Variants in PRKACB observed in about 807,000 individuals in gnomAD.
PRKACB encodes cAMP-dependent protein kinase catalytic subunit beta.
In PRKACB, 16 loss-of-function variants were observed where a neutral mutation model predicts 51.4. The observed-to-expected ratio is 0.31, with a 90% CI of 0.21 to 0.47. The LOEUF is 0.47. Among genes scored for constraint, PRKACB ranks in the 20% least tolerant of loss-of-function variants. PRKACB has a pLI of 1.00. For missense variants in PRKACB, 309 were observed against 464.5 expected (o/e 0.67, Z 3.08); for synonymous variants, 147 against 154.4 (o/e 0.95, Z 0.35).
chr1:84,094,815 G>T (rs1177380684), intron 1 of PRKACB, among the ~76,000 whole-genome samples: 1 of 151,764 alleles, frequency 6.6e-6, no homozygotes, highest in Admixed American at 6.6e-5. Context: ...TTTACTTCTG[G>T]TGTGATTCAA....
rs576031350 is a variant in PRKACB, at chr1:84,222,854, C to T, written c.1071+8537C>T. Among the ~76,000 whole-genome samples, 3 of 152,218 alleles carry T rather than the reference C, an allele frequency of 2.0e-5. No individual in the cohort carries two copies. In the East Asian group the frequency reaches 5.8e-4, roughly 29 times the overall value. ...ATATATCATCCAATTCTCTCCTGGC[C>T]TGCAGGGTCTCCCCTGAGAAATCCA... On this transcript the variant is annotated intron_variant, in intron 9 of 9. Transcript: ENST00000370685.
At chr1:84,102,496 A>G (rs1460856595) in intron 1 of PRKACB, among the ~76,000 whole-genome samples, 2 of 152,218 alleles carry the variant, frequency 1.3e-5, no homozygotes, top group African/African-American at 4.8e-5. Context: ...GACTTGTCCC[A>G]TAGCAGTCTT....
At chr1:84,082,359 G>A (rs1328417769) in intron 1 of PRKACB, among the ~76,000 whole-genome samples, 1 of 152,062 alleles carries the variant, frequency 6.6e-6, no homozygotes, top group African/African-American at 2.4e-5. Context: ...AAAATCTTAA[G>A]TGAAAAAGAT....
intron 1 of PRKACB, among the ~76,000 whole-genome samples, chr1:84,162,982 G>C (rs779696679): frequency 6.6e-6 from 1 of 151,934 alleles, no homozygotes; most frequent in Admixed American, 6.6e-5. Flanking sequence ...TATGGAATCT[G>C]TATCCCTCAT....
At chr1:84,172,372 A>G (rs1412929543) in intron 1 of PRKACB, among the ~76,000 whole-genome samples, 3 of 151,748 alleles carry the variant, frequency 2.0e-5, no homozygotes, top group Non-Finnish European at 4.4e-5. Flanking sequence ...GAGCATTTCA[A>G]AGATTGCCTG....
At chr1:84,181,954 C>A (rs1439983120) in intron 2 of PRKACB, among the ~76,000 whole-genome samples, 1 of 151,952 alleles carries the variant, frequency 6.6e-6, no homozygotes, top group Non-Finnish European at 1.5e-5. Context: ...AGCTGAGGCT[C>A]TTATTTCCTC....
chr1:84,204,872 G>T, intron 8 of PRKACB: 1 of 983,012 alleles, frequency 1.0e-6, no homozygotes, highest in Non-Finnish European at 1.2e-6. Flanking sequence ...CATTGGCCTC[G>T]ATTTGCCAAT....
chr1:84,185,186 A>G lies in PRKACB; in HGVS notation c.560+4A>G. The G allele has an allele frequency of 1.3e-6, 2 of 1,504,132 alleles. No individual in the cohort carries two copies. The highest frequency in any genetic ancestry group is 8.9e-7 in the Non-Finnish European group (1 of 1,128,044). The allele number at this position is 1,504,132 out of a possible 1,614,324, so 93.2% of individuals were successfully genotyped here. A position where few individuals can be genotyped will look rare whatever the true frequency, so the allele number is the denominator to read the frequency against. On this transcript the variant is annotated splice_donor_region_variant and intron_variant, in intron 5 of 9. Coordinates refer to ENST00000370685, the MANE Select transcript of PRKACB (RefSeq NM_182948.4). ...TAAGAAGAATTGGAAGGTTCAGGTA[A>G]CTAATGGTTTTGCTTTCTTCAAATC...
At chr1:84,166,281 C>T (rs1454800093) in intron 1 of PRKACB, among the ~76,000 whole-genome samples, 3 of 151,606 alleles carry the variant, frequency 2.0e-5, no homozygotes, top group Non-Finnish European at 4.4e-5. Flanking sequence ...GGATATCAAA[C>T]TGAATATACC....
intron 5 of PRKACB, among the ~76,000 whole-genome samples, chr1:84,196,326 A>T (rs978454557): frequency 2.0e-5 from 3 of 152,192 alleles, no homozygotes; most frequent in Non-Finnish European, 4.4e-5. Flanking sequence ...AATTAGAAAG[A>T]CATCAATATA....
intron 9 of PRKACB, among the ~76,000 whole-genome samples, chr1:84,226,003 G>A (rs1292329290): frequency 1.3e-5 from 2 of 152,168 alleles, no homozygotes; most frequent in African/African-American, 4.8e-5. Flanking sequence ...CAGCCATCTT[G>A]AAGCCCTGAC....
intron 1 of PRKACB, among the ~76,000 whole-genome samples, chr1:84,121,065 C>T (rs914807031): frequency 5.3e-5 from 8 of 152,036 alleles, no homozygotes; most frequent in African/African-American, 1.7e-4. Flanking sequence ...GTTATTGTTA[C>T]TATTTTGTGT....
intron 1 of PRKACB, among the ~76,000 whole-genome samples, chr1:84,153,049 C>T (rs115677547): frequency 0.015 from 2,265 of 152,060 alleles, 63 homozygotes; most frequent in African/African-American, 0.05. Context: ...GGCTATTGAT[C>T]GGCGTAATTT....
chr1:84,150,255 G>A (rs779475723), intron 1 of PRKACB, among the ~76,000 whole-genome samples: 2 of 152,102 alleles, frequency 1.3e-5, no homozygotes, highest in Non-Finnish European at 2.9e-5. Flanking sequence ...TCCAGCCTGG[G>A]TGACAGAGTG....
chr1:84,144,619 CA>C, intron 1 of PRKACB, 71 bp downstream of exon 1: 1 of 1,402,564 alleles, frequency 7.1e-7, no homozygotes, highest in South Asian at 1.3e-5. Flanking sequence ...TACAATCAAA[CA>C]TAAAGAACCC....
At chr1:84,159,736 G>C (rs1289544768) in intron 1 of PRKACB, among the ~76,000 whole-genome samples, 1 of 152,052 alleles carries the variant, frequency 6.6e-6, no homozygotes, top group Non-Finnish European at 1.5e-5. Flanking sequence ...TGCCCCACAT[G>C]TCCTTTATCA....
intron 5 of PRKACB, among the ~76,000 whole-genome samples, chr1:84,190,219 A>G (rs905913396): frequency 3.3e-5 from 5 of 151,896 alleles, no homozygotes; most frequent in Non-Finnish European, 7.4e-5. Context: ...TTATTTAGCA[A>G]TTTGTTTTAG....
At chr1:84,156,964 C>T (rs537591621) in intron 1 of PRKACB, among the ~76,000 whole-genome samples, 2 of 152,274 alleles carry the variant, frequency 1.3e-5, no homozygotes, top group Admixed American at 6.5e-5. Flanking sequence ...CCTACAATGT[C>T]TCTACTTTTC....
chr1:84,102,493 C>T (rs1649427519), intron 1 of PRKACB, among the ~76,000 whole-genome samples: 1 of 152,094 alleles, frequency 6.6e-6, no homozygotes, highest in Non-Finnish European at 1.5e-5. Context: ...AAGGACTTGT[C>T]CCATAGCAGT....
Sources: allele counts gnomAD v4.1 joint callset (sites outside exome capture counted in the v4.1 genomes callset), GRCh38; gene constraint gnomAD v4.1.1; transcripts MANE v1.5; gene names NCBI Gene and HGNC (gene_info 2026-07-23, HGNC 2026-07-21).